Variants in NREP observed in about 807,000 individuals in gnomAD.
NREP encodes neuronal regeneration-related protein.
Under a neutral mutation model 8.6 loss-of-function variants are expected in NREP, and 5 were observed. The observed-to-expected ratio is 0.58, with a 90% CI of 0.30 to 1.22. The LOEUF (loss-of-function observed/expected upper bound fraction) is 1.22, where lower values mean the gene tolerates loss of function less well. Ranked by LOEUF, NREP falls within the 50% of genes most tolerant of loss-of-function variation. NREP has a pLI of 0.07. For missense variants in NREP, 86 were observed against 82.5 expected (o/e 1.04, Z -0.17); for synonymous variants, 27 against 28.0 (o/e 0.96, Z 0.11).
In NREP at chr5:111,934,829, AGAGGCAGCAACCTCCAG is replaced by A. The variant is rs555681169; in HGVS notation, c.135+40428_135+40444del. ...GAAATATGGAGAACCTCCTGGGAGA[AGAGGCAGCAACCTCCAG>A]GTGAGGGAGGCAATAATTCCAGCCA... On this transcript the variant is annotated intron_variant, in intron 2 of 3. Coordinates refer to the NREP transcript ENST00000395634. Among the ~76,000 whole-genome samples the A allele has an allele frequency of 5.3e-5, 8 of 152,202 alleles. No homozygotes were observed. The East Asian group carries it at 1.2e-3, about 22-fold the overall frequency.
At chr5:111,820,051 A>G (rs1752481349) in intron 2 of NREP, among the ~76,000 whole-genome samples, 3 of 152,198 alleles carry the variant, frequency 2.0e-5, no homozygotes, top group Admixed American at 1.3e-4. Context: ...ATCTCCACCT[A>G]GGCCCCTATT....
chr5:111,866,305 G>GA (rs1376574034), intron 2 of NREP, among the ~76,000 whole-genome samples: 25 of 149,440 alleles, frequency 1.7e-4, no homozygotes, highest in Non-Finnish European at 2.7e-4. Flanking sequence ...AAATTTACGA[G>GA]AAAAAAAAAC....
intron 2 of NREP, among the ~76,000 whole-genome samples, chr5:111,775,311 C>A (rs778315473): frequency 3.9e-5 from 6 of 152,168 alleles, no homozygotes; most frequent in Non-Finnish European, 7.4e-5. Flanking sequence ...ATGACCAAAT[C>A]TTTAGGGAGC....
At chr5:111,858,907 C>T (rs1002696165) in intron 2 of NREP, among the ~76,000 whole-genome samples, 1 of 151,828 alleles carries the variant, frequency 6.6e-6, no homozygotes, top group African/African-American at 2.4e-5. Flanking sequence ...TCACAAAAAC[C>T]TTCAAATTCA....
At chr5:111,781,861 T>C (rs999007452) in intron 2 of NREP, among the ~76,000 whole-genome samples, 3 of 152,136 alleles carry the variant, frequency 2.0e-5, no homozygotes, top group Non-Finnish European at 2.9e-5. Flanking sequence ...CTTTCAGGAA[T>C]AAAAAGTCAA....
chr5:111,733,410 G>C (rs1247739534), intron 3 of NREP: 1 of 152,126 alleles, frequency 6.6e-6, no homozygotes, highest in African/African-American at 2.4e-5. Context: ...TGAGGAGACA[G>C]AGTTCTGTGC....
chr5:111,954,081 C>T (rs1156249292), intron 2 of NREP, among the ~76,000 whole-genome samples: 2 of 152,062 alleles, frequency 1.3e-5, no homozygotes, highest in Non-Finnish European at 2.9e-5. Flanking sequence ...AGCTTTCAGC[C>T]AAGCACATGA....
intron 2 of NREP, among the ~76,000 whole-genome samples, chr5:111,868,643 G>A (rs964691898): frequency 6.6e-6 from 1 of 152,166 alleles, no homozygotes; most frequent in South Asian, 2.1e-4. Flanking sequence ...GCATGTCTGA[G>A]TTTACTACAG....
intron 2 of NREP, among the ~76,000 whole-genome samples, chr5:111,886,532 T>C (rs1455291074): frequency 6.6e-6 from 1 of 151,702 alleles, no homozygotes; most frequent in African/African-American, 2.4e-5. Flanking sequence ...CGTATGTTTA[T>C]TGCGGCATTA....
intron 3 of NREP, chr5:111,733,523 A>G (rs1581026817): frequency 6.6e-6 from 1 of 151,498 alleles, no homozygotes; most frequent in Admixed American, 6.6e-5. Flanking sequence ...TTAAATAATA[A>G]TAGGCTTTCT....
intron 2 of NREP, among the ~76,000 whole-genome samples, chr5:111,899,186 G>C (rs1036553616): frequency 2.7e-4 from 41 of 152,086 alleles, no homozygotes; most frequent in Non-Finnish European, 1.0e-4. Context: ...AAATGAGAAA[G>C]AGAAAGGAGT....
chr5:111,794,132 A>G (rs137942557), intron 2 of NREP, among the ~76,000 whole-genome samples: 2 of 152,240 alleles, frequency 1.3e-5, no homozygotes, highest in African/African-American at 4.8e-5. Context: ...ACAACTAAAC[A>G]TCTGTTACAA....
At chr5:111,919,892 AAAG>A (rs1755180846) in intron 2 of NREP, among the ~76,000 whole-genome samples, 1 of 147,274 alleles carries the variant, frequency 6.8e-6, no homozygotes, top group South Asian at 2.3e-4. Flanking sequence ...AGAAAGAAAG[AAAG>A]AAAGAAAGAA....
chr5:111,930,094 G>A (rs1755494815), intron 2 of NREP, among the ~76,000 whole-genome samples: 1 of 152,190 alleles, frequency 6.6e-6, no homozygotes, highest in Non-Finnish European at 1.5e-5. Flanking sequence ...ACTGCTCTCA[G>A]GGTCTCAGGA....
At chr5:111,802,250 TA>T (rs1752030893) in intron 2 of NREP, among the ~76,000 whole-genome samples, 1 of 152,118 alleles carries the variant, frequency 6.6e-6, no homozygotes, top group Non-Finnish European at 1.5e-5. Context: ...GTGATGGTAT[TA>T]AGGCTAAGCA....
chr5:111,758,283 G>A (rs140594578), upstream of NREP: 1,105 of 983,760 alleles, frequency 1.1e-3, 40 homozygotes, highest in Admixed American at 0.051. Flanking sequence ...TGGCGTGATC[G>A]GCCCAAGACA....
intron 2 of NREP, among the ~76,000 whole-genome samples, chr5:111,828,963 A>C (rs1359408347): frequency 1.3e-5 from 2 of 152,168 alleles, no homozygotes; most frequent in African/African-American, 4.8e-5. Context: ...ATGGGATCAC[A>C]GCCTGTAGAT....
At chr5:111,768,995 C>T (rs1751152985) in intron 2 of NREP, among the ~76,000 whole-genome samples, 1 of 152,196 alleles carries the variant, frequency 6.6e-6, no homozygotes, top group Non-Finnish European at 1.5e-5. Context: ...TAAAAGCATT[C>T]CCTTTTCTCT....
At chr5:111,964,295 T>G (rs552831403) in intron 2 of NREP, among the ~76,000 whole-genome samples, 1 of 152,366 alleles carries the variant, frequency 6.6e-6, no homozygotes, top group Non-Finnish European at 1.5e-5. Flanking sequence ...AATTTGTTCA[T>G]GTCATTGCTG....
Sources: allele counts gnomAD v4.1 joint callset (sites outside exome capture counted in the v4.1 genomes callset), GRCh38; gene constraint gnomAD v4.1.1; transcripts MANE v1.5; gene names NCBI Gene and HGNC (gene_info 2026-07-23, HGNC 2026-07-21).